OPN3: variants seen among roughly 807,000 people sequenced by gnomAD.
The protein encoded by OPN3 is opsin-3.
In OPN3, 29 loss-of-function variants were observed where a neutral mutation model predicts 33.8. The ratio of observed to expected loss-of-function variants is 0.86; its 90% CI spans 0.64 to 1.17. OPN3 has a LOEUF of 1.17. Among genes scored for constraint, OPN3 ranks in the 50% most tolerant of loss-of-function variants. OPN3 has a pLI of 0.00. For synonymous variants in OPN3, 216 were observed against 216.1 expected (o/e 1.00, Z 0.00); for missense variants, 437 against 514.1 (o/e 0.85, Z 1.45).
At chr1:241,611,704 T>C (rs1310876306) in intron 1 of OPN3, among the ~76,000 whole-genome samples, 1 of 152,216 alleles carries the variant, frequency 6.6e-6, no homozygotes, top group Non-Finnish European at 1.5e-5. Context: ...TTAAATGCCA[T>C]GCGTGGAGCT....
chr1:241,640,032 G>A lies in OPN3; in HGVS notation c.223C>T (p.Pro75Ser). Residue 75 changes from proline to serine, a missense_variant, in exon 1 of 4, where the codon CCC becomes TCC. By Grantham distance (74) the Pro-to-Ser change is moderately conservative. Transcript: ENST00000366554. Reference protein sequence around the residue: ...LYYKFQRLRTPTHLLLVNISL... With the variant: ...LYYKFQRLRTSTHLLLVNISL... ...ATGTTGACCAGGAGGAGGTGAGTGGGAGTGCGGAGCCGCTGGAACTTGTAG... is the reference window on the plus strand; with the variant it reads ...ATGTTGACCAGGAGGAGGTGAGTGGAAGTGCGGAGCCGCTGGAACTTGTAG... 1 of 1,613,426 alleles carries A rather than the reference G, an allele frequency of 6.2e-7. No homozygotes were observed. Among genetic ancestry groups the A allele is most frequent in the Non-Finnish European group, 8.5e-7 (1 of 1,179,728 alleles).
rs3841789 is a variant in OPN3 at position 241,596,190 on chromosome 1, TGTTA to T, written c.946-1503_946-1500del. Among the ~76,000 whole-genome samples the T allele has an allele frequency of 9.1e-3, 1,387 of 152,334 alleles. 17 individuals are homozygous for T. Among genetic ancestry groups the T allele is most frequent in the East Asian group, 0.057 (297 of 5,190 alleles). ...TGAGAGAAAGAGTGCAACAAATAAT[TGTTA>T]GTTAATGTATTTTAATTTTGTCTGT... On this transcript the variant is annotated intron_variant, in intron 3 of 3. Coordinates refer to ENST00000366554, the MANE Select transcript of OPN3 (RefSeq NM_014322.3).
chr1:241,631,844 G>C (rs1664646538), intron 1 of OPN3: 1 of 152,058 alleles, frequency 6.6e-6, no homozygotes, highest in Non-Finnish European at 1.5e-5. Flanking sequence ...TAATTTTCGT[G>C]GGCACTTTCT....
intron 1 of OPN3, chr1:241,633,964 A>C (rs1367428426): frequency 6.2e-7 from 1 of 1,613,812 alleles, no homozygotes; most frequent in African/African-American, 1.3e-5. Context: ...CTTCAGTTGG[A>C]AAGATCTCCT....
At chr1:241,621,765 A>G (rs762243791) in intron 1 of OPN3, among the ~76,000 whole-genome samples, 2 of 152,168 alleles carry the variant, frequency 1.3e-5, no homozygotes, top group African/African-American at 2.4e-5. Context: ...GAACAGATCA[A>G]TAAGTATAAT....
At chr1:241,638,899 T>A (rs1665003897) in intron 1 of OPN3, among the ~76,000 whole-genome samples, 1 of 152,184 alleles carries the variant, frequency 6.6e-6, no homozygotes, top group Non-Finnish European at 1.5e-5. Flanking sequence ...CAATAAAGTA[T>A]CAATGGATTT....
At chr1:241,619,893 C>T (rs892821148) in intron 1 of OPN3, among the ~76,000 whole-genome samples, 12 of 152,300 alleles carry the variant, frequency 7.9e-5, no homozygotes, top group Middle Eastern at 3.4e-3. Flanking sequence ...GTTGCTCTAA[C>T]GTATAGGGCC....
chr1:241,635,642 T>G (rs201217182), intron 1 of OPN3: 5 of 1,613,968 alleles, frequency 3.1e-6, no homozygotes, highest in Non-Finnish European at 3.4e-6. Context: ...TCCTCCATAG[T>G]AGCTTCTTGA....
chr1:241,636,975 G>C (rs922818943), intron 1 of OPN3, among the ~76,000 whole-genome samples: 5 of 151,522 alleles, frequency 3.3e-5, no homozygotes, highest in Non-Finnish European at 7.4e-5. Flanking sequence ...AAAATAATAA[G>C]GTTCTCCTGT....
Position 241,640,151 on chromosome 1 carries a change from A to T in OPN3, c.104T>A (p.Leu35His). The change falls in exon 1 of 4, where the codon CTC becomes CAC. Residue 35 changes from leucine to histidine, a missense_variant. By Grantham distance (99) the Leu-to-His change is moderately conservative (BLOSUM62 -3). Transcript: ENST00000366554. ...APAGTLSPAP[L>H]FSPGTYERLA... is the part of the protein sequence containing the mutation. ...GCGCTCGTAGGTGCCGGGGCTGAAGAGGGGCGCGGGGCTCAGTGTCCCCGC... is the reference window on the plus strand; with the variant it reads ...GCGCTCGTAGGTGCCGGGGCTGAAGTGGGGCGCGGGGCTCAGTGTCCCCGC... 6.6e-7 allele frequency: 1 copy of T among 1,521,018 alleles called. No individual in the cohort carries two copies. Among genetic ancestry groups the T allele is most frequent in the Non-Finnish European group, 8.8e-7 (1 of 1,135,212 alleles). 94.2% of individuals were successfully genotyped at this position (1,521,018 alleles called of 1,614,324 possible).
chr1:241,634,169 T>A (rs1225587656), intron 1 of OPN3: 1 of 1,613,872 alleles, frequency 6.2e-7, no homozygotes, highest in African/African-American at 1.3e-5. Flanking sequence ...TGTTTCAGTA[T>A]ACGGAGTGAA....
intron 1 of OPN3, among the ~76,000 whole-genome samples, chr1:241,620,119 A>G (rs1664236776): frequency 6.6e-6 from 1 of 152,130 alleles, no homozygotes; most frequent in South Asian, 2.1e-4. Context: ...GGGGTGTTAA[A>G]TAAAGGGGAG....
At chr1:241,611,151 A>G (rs1663980760) in intron 1 of OPN3, among the ~76,000 whole-genome samples, 1 of 152,170 alleles carries the variant, frequency 6.6e-6, no homozygotes, top group Admixed American at 6.5e-5. Context: ...TCAATATACA[A>G]CTACCCAATA....
chr1:241,623,108 C>A lies in OPN3; in HGVS notation c.373+16774G>T, dbSNP rs1475384595. On this transcript the variant is annotated intron_variant, in intron 1 of 3. Transcript: ENST00000366554. Reference sequence around the variant, plus strand: ...AACAAAAAACAAAAAACAAAAAAAACAAACAAAAAAAACTCTTTCTGGCTC... The same window carrying A: ...AACAAAAAACAAAAAACAAAAAAAAAAAACAAAAAAAACTCTTTCTGGCTC... Among the ~76,000 whole-genome samples, 5 of 144,300 alleles carry A rather than the reference C, an allele frequency of 3.5e-5. No homozygotes were observed. The Middle Eastern group carries it at 0.014, about 412-fold the overall frequency. 94.7% of individuals were successfully genotyped at this position (144,300 alleles called of 152,430 possible).
chr1:241,606,526 C>T (rs1332766366), intron 1 of OPN3, among the ~76,000 whole-genome samples: 1 of 149,412 alleles, frequency 6.7e-6, no homozygotes, highest in Non-Finnish European at 1.5e-5. Flanking sequence ...GCCTGGGCAA[C>T]AAGAGTGAGA....
rs1467725864 is a variant in OPN3, at chr1:241,594,251, T to G, written c.*177A>C. The G allele has an allele frequency of 2.0e-5, 12 of 605,056 alleles. No homozygotes were observed. Among genetic ancestry groups the G allele is most frequent in the Non-Finnish European group, 3.3e-5 (12 of 367,542 alleles). The allele number at this position is 605,056 out of a possible 1,614,324, so 37.5% of individuals were successfully genotyped here. On this transcript the variant is annotated 3_prime_UTR_variant, in exon 4 of 4. Coordinates refer to ENST00000366554, the MANE Select transcript of OPN3 (RefSeq NM_014322.3). ...AAAGCACCCGTTGAATTAAAAGAAT[T>G]TGTTTTTGTTCAACCTCTTCCTGAG... is the stretch of plus-strand genomic sequence containing the variant.
intron 2 of OPN3, among the ~76,000 whole-genome samples, chr1:241,602,056 T>C (rs908102264): frequency 6.6e-6 from 1 of 152,124 alleles, no homozygotes; most frequent in African/African-American, 2.4e-5. Context: ...GAAATGGAGA[T>C]GTTATCAAGC....
chr1:241,601,357 G>GTT (rs34332468), intron 2 of OPN3, among the ~76,000 whole-genome samples: 71 of 147,866 alleles, frequency 4.8e-4, no homozygotes, highest in East Asian at 1.4e-3. Flanking sequence ...GGAGAACTAA[G>GTT]TTTTTTTTTT....
Position 241,614,847 on chromosome 1 carries a change from C to G in OPN3, c.374-10268G>C, listed in dbSNP as rs116377095. Among the ~76,000 whole-genome samples, 470 of 152,358 alleles carry G rather than the reference C, an allele frequency of 3.1e-3. 2 individuals are homozygous for G. Among genetic ancestry groups the G allele is most frequent in the African/African-American group, 0.01 (435 of 41,568 alleles). ...CTATAGTCCCGTTTGGACAGATATC[C>G]TAGCCTTAGACTTTTTGACTTGCCT... On this transcript the variant is annotated intron_variant, in intron 1 of 3. Transcript: ENST00000366554.
Sources: allele counts gnomAD v4.1 joint callset (sites outside exome capture counted in the v4.1 genomes callset), GRCh38; gene constraint gnomAD v4.1.1; transcripts MANE v1.5; gene names NCBI Gene and HGNC (gene_info 2026-07-23, HGNC 2026-07-21).